Variants in APOOL observed in about 807,000 individuals in gnomAD.
The protein encoded by APOOL is MICOS complex subunit MIC27.
In APOOL, 12 loss-of-function variants were observed where a neutral mutation model predicts 23.1. That is an observed-to-expected ratio of 0.52 (90% CI 0.33 to 0.84). APOOL has a LOEUF of 0.84. APOOL is among the 40% of genes least tolerant of loss of function. The probability of loss-of-function intolerance (pLI) is 0.02; values close to 1 mark genes in which losing one functional copy is unlikely to be tolerated. For missense variants in APOOL, 212 were observed against 199.6 expected, an observed-to-expected ratio of 1.06 and a Z score of -0.37; for synonymous variants, 77 against 69.9, an observed-to-expected ratio of 1.10 and a Z score of -0.51.
chrX:85,070,700 C>T, intron 6 of APOOL, among the ~76,000 whole-genome samples: 1 of 109,799 alleles, frequency 9.1e-6, no homozygotes. Context: ...CATTATATAC[C>T]CAGAACTTGT....
chrX:85,039,296 G>T (rs1922333282), intron 1 of APOOL, among the ~76,000 whole-genome samples: 1 of 108,921 alleles, frequency 9.2e-6, no homozygotes, highest in Non-Finnish European at 1.9e-5. Context: ...TTTTTTTTGT[G>T]TGTGTATTTT....
chrX:85,045,683 A>C (rs1455712639), intron 1 of APOOL, among the ~76,000 whole-genome samples: 1 of 111,783 alleles, frequency 8.9e-6, no homozygotes, highest in Non-Finnish European at 1.9e-5. Context: ...ATAACACTAG[A>C]AGACTTTATT....
chrX:85,012,410 C>T (rs1274044057), intron 1 of APOOL, among the ~76,000 whole-genome samples: 1 of 111,254 alleles, frequency 9.0e-6, no homozygotes, highest in Non-Finnish European at 1.9e-5. Context: ...AGTGGTTATC[C>T]TTGTGTTGTT....
chrX:85,077,016 T>TATATATATATATATATATATATATAC (rs1169194451), intron 8 of APOOL, among the ~76,000 whole-genome samples: 1 of 95,289 alleles, frequency 1.0e-5, no homozygotes, highest in East Asian at 3.1e-4. Flanking sequence ...TATATATATA[T>TATATATATATATATATATATATATAC]ACGTATATAT....
rs1924488455 is a variant in APOOL at position 85,090,479 on chromosome X, T to A, written c.*2801T>A. On this transcript the variant is annotated 3_prime_UTR_variant, in exon 9 of 9. Transcript: ENST00000373173. ...TTGACAACTATAATGAATAGCTGTC[T>A]TTCTGAAATCTTTAGTGGCTCATCA... 1.8e-5 allele frequency: 2 copies of A among 111,607 alleles called. No individual in the cohort carries two copies. Among genetic ancestry groups the A allele is most frequent in the African/African-American group, 6.5e-5 (2 of 30,698 alleles). 9.2% of individuals were successfully genotyped at this position (111,607 alleles called of 1,213,427 possible).
At chrX:85,046,226 G>A (rs1171472352) in intron 1 of APOOL, 1 of 304,645 alleles carries the variant, frequency 3.3e-6, no homozygotes, top group Admixed American at 5.9e-5. Flanking sequence ...TTCTTATGAA[G>A]TAGTTAACAA....
intron 5 of APOOL, among the ~76,000 whole-genome samples, chrX:85,063,317 A>G (rs1462775928): frequency 9.0e-6 from 1 of 111,520 alleles, no homozygotes; most frequent in Non-Finnish European, 1.9e-5. Context: ...AACAAAGACT[A>G]TTTGACTTCC....
chrX:85,083,131 C>T (rs1185806903), intron 8 of APOOL, among the ~76,000 whole-genome samples: 4 of 111,132 alleles, frequency 3.6e-5, no homozygotes, highest in Non-Finnish European at 7.5e-5. Context: ...GCACCCCTGT[C>T]TGGTGCCCTT....
intron 5 of APOOL, among the ~76,000 whole-genome samples, chrX:85,057,663 A>C: frequency 9.3e-6 from 1 of 106,956 alleles, no homozygotes; most frequent in Non-Finnish European, 1.9e-5. Context: ...TGAATGGATG[A>C]TATATATATC....
intron 1 of APOOL, among the ~76,000 whole-genome samples, chrX:85,046,088 G>A (rs1922564528): frequency 9.0e-6 from 1 of 111,352 alleles, no homozygotes; most frequent in Non-Finnish European, 1.9e-5. Context: ...CATAGTAGGT[G>A]TTCAATTGAT....
At chrX:85,086,956 C>T (rs1924327145) in intron 8 of APOOL, among the ~76,000 whole-genome samples, 1 of 110,641 alleles carries the variant, frequency 9.0e-6, no homozygotes, top group African/African-American at 3.3e-5. Context: ...GTCTCGGCCT[C>T]CCAAAGTGCT....
intron 1 of APOOL, among the ~76,000 whole-genome samples, chrX:85,022,536 C>A (rs1177676415): frequency 4.5e-5 from 5 of 111,590 alleles, no homozygotes. Flanking sequence ...AATTCAACAT[C>A]CTTTCATGAT....
At chrX:85,046,812 G>A (rs1922592233) in intron 2 of APOOL, among the ~76,000 whole-genome samples, 1 of 111,288 alleles carries the variant, frequency 9.0e-6, no homozygotes, top group African/African-American at 3.3e-5. Context: ...AGACGTTCTA[G>A]GCAGTCTGAT....
chrX:85,061,484 G>C (rs1923219689), intron 5 of APOOL, among the ~76,000 whole-genome samples: 1 of 112,152 alleles, frequency 8.9e-6, no homozygotes, highest in Admixed American at 9.4e-5. Flanking sequence ...ACCTCTGGTA[G>C]AATTCGGCTG....
intron 5 of APOOL, among the ~76,000 whole-genome samples, 157 bp downstream of exon 5, chrX:85,056,082 G>A (rs961418166): frequency 1.3e-4 from 14 of 111,458 alleles, no homozygotes; most frequent in Non-Finnish European, 1.9e-5. Flanking sequence ...ACTTTTATAA[G>A]GACTTTGTGT....
At chrX:85,021,454 T>C (rs1436705615) in intron 1 of APOOL, among the ~76,000 whole-genome samples, 4 of 109,483 alleles carry the variant, frequency 3.7e-5, no homozygotes. Flanking sequence ...AGCTCCATGC[T>C]GGCCCCAGGC....
chrX:85,015,547 T>C (rs1484820222), intron 1 of APOOL, among the ~76,000 whole-genome samples: 2 of 88,338 alleles, frequency 2.3e-5, no homozygotes, highest in African/African-American at 1.1e-4. Context: ...CTTTAATATT[T>C]ATTTATTTAT....
Position 85,090,964 on chromosome X carries a change from G to A in APOOL, c.*3286G>A, listed in dbSNP as rs1036971036. ...AAATGAAGGTATTTGGTATGGCCGG[G>A]TATGGTGGCTCACACCTATAATCCC... On this transcript the variant is annotated 3_prime_UTR_variant, in exon 9 of 9. Transcript: ENST00000373173. 3 of 112,333 alleles carry A rather than the reference G, an allele frequency of 2.7e-5. No homozygotes were observed. The highest frequency in any genetic ancestry group is 9.5e-5 in the Admixed American group (1 of 10,576). 9.3% of individuals were successfully genotyped at this position (112,333 alleles called of 1,213,427 possible).
intron 1 of APOOL, among the ~76,000 whole-genome samples, chrX:85,027,150 GA>G (rs754778206): frequency 3.5e-4 from 39 of 111,788 alleles, no homozygotes; most frequent in Non-Finnish European, 6.0e-4. Flanking sequence ...AATTATGGTG[GA>G]AAGTGAAGCT....
Sources: allele counts gnomAD v4.1 joint callset (sites outside exome capture counted in the v4.1 genomes callset), GRCh38; gene constraint gnomAD v4.1.1; transcripts MANE v1.5; gene names NCBI Gene and HGNC (gene_info 2026-07-23, HGNC 2026-07-21).